Variants in GRID2 observed in about 807,000 individuals in gnomAD.
GRID2 encodes the protein glutamate receptor ionotropic, delta-2.
Under a neutral mutation model 114.8 loss-of-function variants are expected in GRID2, and 33 were observed. That is an observed-to-expected ratio of 0.29 (90% CI 0.22 to 0.38). The LOEUF is 0.38. GRID2 is among the 10% of genes least tolerant of loss of function. The pLI is 1.00. For synonymous variants in GRID2, 505 were observed against 449.9 expected, an observed-to-expected ratio of 1.12 and a Z score of -1.55; for missense variants, 1,184 against 1,257.7, an observed-to-expected ratio of 0.94 and a Z score of 0.89.
At position 93,337,665 on chromosome 4, in the gene GRID2, A is replaced by G. The variant is rs76824463; in HGVS notation, c.1246-57942A>G. Among the ~76,000 whole-genome samples, 477 of 152,284 alleles carry G rather than the reference A, an allele frequency of 3.1e-3. 1 individual carries two copies. The highest frequency in any genetic ancestry group is 5.4e-3 in the Non-Finnish European group (366 of 68,016). ...ATCCTTGAAAAGCTGGTCATAAACA[A>G]AAAAGTAGTTATGGCCTCTGCTCAC... On this transcript the variant is annotated intron_variant, in intron 8 of 15. Coordinates refer to ENST00000282020, the MANE Select transcript of GRID2 (RefSeq NM_001510.4).
intron 14 of GRID2, among the ~76,000 whole-genome samples, chr4:93,724,353 T>A (rs1422642217): frequency 2.0e-5 from 3 of 152,226 alleles, no homozygotes; most frequent in Non-Finnish European, 4.4e-5. Context: ...GCTAAGGTCA[T>A]AATTTCATGG....
At chr4:93,518,001 A>G (rs1342313611) in intron 13 of GRID2, among the ~76,000 whole-genome samples, 1 of 20,486 alleles carries the variant, frequency 4.9e-5, no homozygotes, top group Non-Finnish European at 1.3e-4. Flanking sequence ...ACATACATGT[A>G]TATGTATGTA....
intron 2 of GRID2, among the ~76,000 whole-genome samples, chr4:93,060,614 G>A (rs1443432677): frequency 6.6e-6 from 1 of 152,124 alleles, no homozygotes; most frequent in Non-Finnish European, 1.5e-5. Flanking sequence ...AAAGAAGGCA[G>A]GAAGGATTAG....
At chr4:92,770,340 A>G (rs1032288674) in intron 2 of GRID2, among the ~76,000 whole-genome samples, 2 of 152,168 alleles carry the variant, frequency 1.3e-5, no homozygotes, top group South Asian at 2.1e-4. Flanking sequence ...ACAAGTCTCT[A>G]GGAAGTTCCA....
chr4:92,390,052 A>T (rs1730165060), intron 1 of GRID2, among the ~76,000 whole-genome samples: 2 of 152,120 alleles, frequency 1.3e-5, no homozygotes, highest in South Asian at 4.1e-4. Flanking sequence ...GTCCTCTTTT[A>T]AAAAAATCTA....
chr4:92,570,612 G>T (rs1367815368), intron 1 of GRID2, among the ~76,000 whole-genome samples: 4 of 151,950 alleles, frequency 2.6e-5, no homozygotes, highest in African/African-American at 9.7e-5. Flanking sequence ...CCATTTGTTT[G>T]TGTCATTTCT....
At chr4:93,155,850 A>G (rs1331697444) in intron 4 of GRID2, among the ~76,000 whole-genome samples, 3 of 151,808 alleles carry the variant, frequency 2.0e-5, no homozygotes, top group Non-Finnish European at 4.4e-5. Context: ...GGTAGTGGTG[A>G]TGGTTAATGG....
intron 12 of GRID2, among the ~76,000 whole-genome samples, chr4:93,492,234 A>G (rs1283218218): frequency 6.6e-6 from 1 of 151,934 alleles, no homozygotes; most frequent in East Asian, 1.9e-4. Context: ...GATCACTTAC[A>G]AAAAGCCAGA....
At chr4:93,565,407 A>G (rs1735309580) in intron 13 of GRID2, among the ~76,000 whole-genome samples, 1 of 152,190 alleles carries the variant, frequency 6.6e-6, no homozygotes, top group South Asian at 2.1e-4. Flanking sequence ...TACCACTGCA[A>G]ATGAATCTAC....
intron 10 of GRID2, among the ~76,000 whole-genome samples, chr4:93,448,455 C>T (rs1722301477): frequency 6.6e-6 from 1 of 151,682 alleles, no homozygotes; most frequent in South Asian, 2.1e-4. Flanking sequence ...ATGGATCAAA[C>T]ACTACACCCT....
chr4:93,385,626 G>A (rs994869927), intron 8 of GRID2, among the ~76,000 whole-genome samples: 56 of 152,058 alleles, frequency 3.7e-4, no homozygotes, highest in African/African-American at 1.2e-3. Flanking sequence ...AAGTTATTTC[G>A]TAAGCTTCCC....
At chr4:92,443,789 C>T (rs1422533937) in intron 1 of GRID2, among the ~76,000 whole-genome samples, 3 of 152,170 alleles carry the variant, frequency 2.0e-5, no homozygotes, top group Admixed American at 6.5e-5. Flanking sequence ...AGGCAGGCGT[C>T]CCTGCGTGGT....
intron 1 of GRID2, among the ~76,000 whole-genome samples, chr4:93,801,979 A>C (rs548210563): frequency 6.6e-6 from 1 of 152,330 alleles, no homozygotes; most frequent in South Asian, 2.1e-4. Flanking sequence ...AATATACTGC[A>C]TGTGTGCCCC....
At chr4:92,888,829 C>T (rs1578394541) in intron 2 of GRID2, among the ~76,000 whole-genome samples, 1 of 149,328 alleles carries the variant, frequency 6.7e-6, no homozygotes, top group East Asian at 2.0e-4. Context: ...CTTTTTAATG[C>T]AAATAAAGCG....
intron 2 of GRID2, among the ~76,000 whole-genome samples, chr4:92,830,777 T>C (rs546398124): frequency 7.8e-4 from 119 of 152,296 alleles, no homozygotes; most frequent in Non-Finnish European, 1.3e-3. Flanking sequence ...AAAGCAAAAA[T>C]ACTTATTCTA....
At chr4:92,990,198 CTGTGTGTGTG>C (rs3970985) in intron 2 of GRID2, among the ~76,000 whole-genome samples, 11,907 of 124,640 alleles carry the variant, frequency 0.096, 684 homozygotes, top group Middle Eastern at 0.16. Context: ...TTAACATTTT[CTGTGTGTGTG>C]TGTGTGTGTG....
rs145902726 is a variant in GRID2, at chr4:93,422,479, T to G, written c.1348-292T>G. ...TTGAATGATTTATTATTAAGGAGTCTCAGATTGGTCCTCCGAGGACAGGAA... is the reference window on the plus strand; with the variant it reads ...TTGAATGATTTATTATTAAGGAGTCGCAGATTGGTCCTCCGAGGACAGGAA... On this transcript the variant is annotated intron_variant, in intron 9 of 15. Coordinates refer to ENST00000282020, the MANE Select transcript of GRID2 (RefSeq NM_001510.4). 6.0e-3 allele frequency among the ~76,000 whole-genome samples: 917 copies of G among 152,278 alleles called. 7 individuals carry two copies. Among genetic ancestry groups the G allele is most frequent in the African/African-American group, 0.021 (868 of 41,562 alleles).
At chr4:92,673,624 C>T (rs74894747) in intron 2 of GRID2, among the ~76,000 whole-genome samples, 2,354 of 151,916 alleles carry the variant, frequency 0.015, 64 homozygotes, top group African/African-American at 0.054. Flanking sequence ...AGATATTTTC[C>T]CTGCATATGA....
At chr4:92,933,905 C>T (rs540542617) in intron 2 of GRID2, among the ~76,000 whole-genome samples, 1 of 151,524 alleles carries the variant, frequency 6.6e-6, no homozygotes, top group East Asian at 1.9e-4. Context: ...GGAGGAATAT[C>T]TGAAAGTAGA....
Sources: gnomAD v4.1 joint callset for allele counts (sites outside exome capture counted in the v4.1 genomes callset) on GRCh38, gnomAD v4.1.1 for gene constraint, MANE v1.5 for transcripts, NCBI Gene and HGNC (gene_info 2026-07-23, HGNC 2026-07-21) for gene names.